TTLL7: variants seen among roughly 807,000 people sequenced by gnomAD.
TTLL7 encodes tubulin polyglutamylase TTLL7.
A neutral mutation model predicts 120.2 loss-of-function variants in TTLL7; 53 were observed. The observed-to-expected ratio is 0.44, with a 90% CI of 0.35 to 0.55. The LOEUF (loss-of-function observed/expected upper bound fraction) is 0.55. Ranked by LOEUF, TTLL7 falls within the 20% of genes least tolerant of loss-of-function variation. The pLI is 0.00. For synonymous variants in TTLL7, 353 were observed against 351.7 expected (o/e 1.00, Z -0.04); for missense variants, 803 against 1,054.7 (o/e 0.76, Z 3.31).
intron 5 of TTLL7, 62 bp downstream of exon 5, chr1:83,948,566 C>T: frequency 1.9e-6 from 2 of 1,074,098 alleles, no homozygotes; most frequent in South Asian, 1.4e-5. Flanking sequence ...AAAGATAGCA[C>T]TACAGTAGTT....
chr1:83,913,573 T>G (rs1657854760), intron 14 of TTLL7, among the ~76,000 whole-genome samples: 1 of 152,220 alleles, frequency 6.6e-6, no homozygotes, highest in African/African-American at 2.4e-5. Flanking sequence ...AACGGCTGTT[T>G]TGAAGTTTTG....
chr1:83,949,975 T>C lies in TTLL7; in HGVS notation c.169A>G (p.Ile57Val), dbSNP rs945289697. Residue 57 changes from isoleucine (I) to valine (V), a missense_variant, in exon 4 of 21, where the codon ATA (isoleucine) becomes GTA (valine). Ile to Val is a conservative substitution (Grantham distance 29). This residue lies in a region of TTLL7 where 91 missense variants were observed against 96.6 expected (regional missense o/e 0.94). Transcript: ENST00000260505. ...GTTTTCATAAATCCCATTTCATCTA[T>C]TACTAAACGAACTGCAAGTAAACAG... ...GTKFEIVRLVIDEMGFMKTPD... is the reference protein window; with the variant it reads ...GTKFEIVRLVVDEMGFMKTPD... 1.9e-6 allele frequency: 3 copies of C among 1,611,844 alleles called. No homozygotes were observed. The Admixed American group carries it at 5.0e-5, about 27-fold the overall frequency.
At chr1:83,877,286 T>A (rs1313757731) in intron 20 of TTLL7, among the ~76,000 whole-genome samples, 1 of 152,030 alleles carries the variant, frequency 6.6e-6, no homozygotes, top group East Asian at 1.9e-4. Flanking sequence ...TCCTAATATT[T>A]GGTTTAGGAG....
At chr1:83,889,952 T>C (rs1406303075) in intron 19 of TTLL7, 1 of 461,958 alleles carries the variant, frequency 2.2e-6, no homozygotes, top group African/African-American at 2.0e-5. Flanking sequence ...GTTTTAGATA[T>C]CTTGAGGCTA....
intron 1 of TTLL7, chr1:83,981,147 C>G (rs1289457917): frequency 6.6e-6 from 1 of 151,896 alleles, no homozygotes; most frequent in Non-Finnish European, 1.5e-5. Context: ...AAAAAGCAGA[C>G]TTGATATATC....
At chr1:83,883,245 T>C (rs1196859100) in intron 19 of TTLL7, 109 bp from the exon 20 acceptor site, 2 of 800,620 alleles carry the variant, frequency 2.5e-6, no homozygotes, top group Non-Finnish European at 3.9e-6. Context: ...AATGGTCTCA[T>C]ACATTTGCAA....
At chr1:83,899,874 A>T (rs1212640428) in intron 18 of TTLL7, among the ~76,000 whole-genome samples, 1 of 152,042 alleles carries the variant, frequency 6.6e-6, no homozygotes, top group Non-Finnish European at 1.5e-5. Context: ...TGTACATCTG[A>T]GAACTGGAAG....
chr1:83,907,507 G>A lies in TTLL7; in HGVS notation c.1941C>T (p.Tyr647=). 6.2e-7 allele frequency: 1 copy of A among 1,613,170 alleles called. No homozygotes were observed. The highest frequency in any genetic ancestry group is 8.5e-7 in the Non-Finnish European group (1 of 1,179,390). Reference sequence around the variant, plus strand: ...CATTACTGTGAGGCAGATGCCTCATGTAGGAGGAAGCACGGTTTAAGGAAT... The same window carrying A: ...CATTACTGTGAGGCAGATGCCTCATATAGGAGGAAGCACGGTTTAAGGAAT... ...RSHSLNRASS[Y]MRHLPHSNDA... is the part of the protein sequence containing the mutation. Residue 647 remains tyrosine (Y), a synonymous_variant, in exon 16 of 21, where the codon TAC becomes TAT. Coordinates refer to ENST00000260505, the MANE Select transcript of TTLL7 (RefSeq NM_024686.6).
chr1:83,879,760 A>C (rs2100703692), intron 20 of TTLL7: 1 of 152,130 alleles, frequency 6.6e-6, no homozygotes, highest in East Asian at 1.9e-4. Flanking sequence ...ACATCTCAAA[A>C]TGATTATAAT....
intron 18 of TTLL7, among the ~76,000 whole-genome samples, chr1:83,901,674 C>T (rs534014466): frequency 6.6e-6 from 1 of 152,060 alleles, no homozygotes; most frequent in Admixed American, 6.6e-5. Context: ...AGCTTTACTA[C>T]ACCCTCCTCA....
intron 8 of TTLL7, among the ~76,000 whole-genome samples, chr1:83,937,315 T>C (rs1305669325): frequency 6.6e-6 from 1 of 151,998 alleles, no homozygotes; most frequent in Non-Finnish European, 1.5e-5. Flanking sequence ...GCAATTCTTC[T>C]GCCTCAGCCC....
At chr1:83,972,717 C>T (rs1188971384) in intron 1 of TTLL7, among the ~76,000 whole-genome samples, 1 of 152,094 alleles carries the variant, frequency 6.6e-6, no homozygotes, top group Middle Eastern at 3.2e-3. Flanking sequence ...CTTCTTTCTC[C>T]GTATCCTCAT....
At chr1:83,992,389 T>G (rs1653080639) in intron 1 of TTLL7, among the ~76,000 whole-genome samples, 1 of 152,028 alleles carries the variant, frequency 6.6e-6, no homozygotes, top group Non-Finnish European at 1.5e-5. Flanking sequence ...ACAGATTAGT[T>G]TAAAAAAAAT....
intron 1 of TTLL7, chr1:83,979,777 A>T (rs1651795150): frequency 6.6e-6 from 1 of 152,208 alleles, no homozygotes; most frequent in African/African-American, 2.4e-5. Flanking sequence ...GGCTTCACAA[A>T]CACCACAGTG....
rs902382591 is a variant in TTLL7, at chr1:83,868,406, C to T, written c.*1556G>A. The T allele has an allele frequency of 2.0e-5, 3 of 152,132 alleles. No homozygotes were observed. Among genetic ancestry groups the T allele is most frequent in the African/African-American group, 7.2e-5 (3 of 41,442 alleles). 9.4% of individuals were successfully genotyped at this position (152,132 alleles called of 1,614,324 possible). On this transcript the variant is annotated 3_prime_UTR_variant, in exon 21 of 21. Coordinates refer to ENST00000260505, the MANE Select transcript of TTLL7 (RefSeq NM_024686.6). Reference sequence around the variant, plus strand: ...ATTTTTATGGAAAACTGAAAGCTCACTCTTGGTTTTAAAAACTGTATTCAA... The same window carrying T: ...ATTTTTATGGAAAACTGAAAGCTCATTCTTGGTTTTAAAAACTGTATTCAA...
intron 14 of TTLL7, chr1:83,912,832 T>C (rs1464327781): frequency 6.6e-6 from 1 of 152,188 alleles, no homozygotes; most frequent in African/African-American, 2.4e-5. Context: ...CAAAGAGATA[T>C]GCATAAAAAC....
chr1:83,892,481 A>G (rs1273188095), intron 18 of TTLL7, among the ~76,000 whole-genome samples: 1 of 83,974 alleles, frequency 1.2e-5, no homozygotes, highest in Non-Finnish European at 2.8e-5. Flanking sequence ...TGAACATATG[A>G]ATGAACATAT....
intron 1 of TTLL7, among the ~76,000 whole-genome samples, chr1:83,964,239 A>C (rs1650255387): frequency 6.6e-6 from 1 of 152,120 alleles, no homozygotes; most frequent in Non-Finnish European, 1.5e-5. Context: ...TGGCACCACA[A>C]TCTTTGCCAT....
At chr1:83,931,885 T>C (rs1659630289) in intron 9 of TTLL7, among the ~76,000 whole-genome samples, 1 of 152,166 alleles carries the variant, frequency 6.6e-6, no homozygotes, top group African/African-American at 2.4e-5. Flanking sequence ...TTTAACAATG[T>C]ATATTAGCCC....
Sources: gnomAD v4.1 joint callset for allele counts (sites outside exome capture counted in the v4.1 genomes callset) on GRCh38, gnomAD v4.1.1 for gene constraint, gnomAD v4.1.1 regional missense constraint, MANE v1.5 for transcripts, NCBI Gene and HGNC (gene_info 2026-07-23, HGNC 2026-07-21) for gene names.